ZNF521: variants seen among roughly 807,000 people sequenced by gnomAD.
ZNF521 encodes the protein LYST-interacting protein 3.
In ZNF521, 14 loss-of-function variants were observed where a neutral mutation model predicts 105.5. The observed-to-expected ratio is 0.13, with a 90% confidence interval of 0.09 to 0.21. ZNF521 has a LOEUF of 0.21. ZNF521 is among the 10% of genes least tolerant of loss of function. The pLI is 1.00. For synonymous variants in ZNF521, 635 were observed against 606.0 expected (o/e 1.05, Z -0.70); for missense variants, 1,233 against 1,629.7 (o/e 0.76, Z 4.19).
chr18:25,258,805 G>T (rs530519012), intron 3 of ZNF521, among the ~76,000 whole-genome samples: 1 of 142,086 alleles, frequency 7.0e-6, no homozygotes, highest in African/African-American at 2.6e-5. Flanking sequence ...ACTTATATGG[G>T]TTTCCTATGG....
chr18:25,180,468 A>T (rs1348967324), intron 5 of ZNF521, among the ~76,000 whole-genome samples: 1 of 152,130 alleles, frequency 6.6e-6, no homozygotes, highest in Non-Finnish European at 1.5e-5. Context: ...TTAAAACATG[A>T]AAATACAATT....
intron 5 of ZNF521, among the ~76,000 whole-genome samples, chr18:25,126,258 C>T (rs1381163309): frequency 6.6e-6 from 1 of 152,068 alleles, no homozygotes; most frequent in Non-Finnish European, 1.5e-5. Context: ...ATCCTTCTTT[C>T]CTTCTCCAGC....
rs1404979612 is a variant in ZNF521 at position 25,062,621 on chromosome 18, A to G, written c.*91T>C. The G allele has an allele frequency of 7.0e-7, 1 of 1,437,072 alleles. No homozygotes were observed. The highest frequency in any genetic ancestry group is 9.6e-7 in the Non-Finnish European group (1 of 1,043,744). 89.0% of individuals were successfully genotyped at this position (1,437,072 alleles called of 1,614,324 possible). A position where few individuals can be genotyped will look rare whatever the true frequency, so the allele number is the denominator to read the frequency against. On this transcript the variant is annotated 3_prime_UTR_variant, in exon 8 of 8. Coordinates refer to ENST00000361524, the MANE Select transcript of ZNF521 (RefSeq NM_015461.3). ...GTACAATACAATGTTTCTGAATAAT[A>G]TACATTAACAATGAAAGTTTCGTGC... is the stretch of plus-strand genomic sequence containing the variant.
At chr18:25,299,054 A>G (rs143213285) in intron 3 of ZNF521, among the ~76,000 whole-genome samples, 1 of 152,210 alleles carries the variant, frequency 6.6e-6, no homozygotes, top group Non-Finnish European at 1.5e-5. Flanking sequence ...AATCCAGCAA[A>G]GAAAAACAAT....
rs138918341 is a variant in ZNF521, at chr18:25,166,357, T to C, written c.3658+28803A>G. Among the ~76,000 whole-genome samples the C allele has an allele frequency of 1.7e-4, 26 of 152,334 alleles. No homozygotes were observed. The East Asian group carries it at 3.7e-3, about 21-fold the overall frequency. ...AAATTCCAAAGTAGCTGAGTAAATT[T>C]GAAATTCACTAGATAAATAGAATTT... is the stretch of plus-strand genomic sequence containing the variant. On this transcript the variant is annotated intron_variant, in intron 5 of 7. Transcript: ENST00000361524.
chr18:25,078,302 G>A (rs189071865), intron 7 of ZNF521, among the ~76,000 whole-genome samples: 4 of 152,320 alleles, frequency 2.6e-5, no homozygotes, highest in Non-Finnish European at 4.4e-5. Flanking sequence ...CAGAATTTCA[G>A]GATTTATCTT....
chr18:25,183,185 A>G (rs1392149338), intron 5 of ZNF521, among the ~76,000 whole-genome samples: 1 of 152,134 alleles, frequency 6.6e-6, no homozygotes, highest in African/African-American at 2.4e-5. Flanking sequence ...TCCTAATTTG[A>G]TTTGATAATA....
chr18:25,165,545 G>C (rs1026914572), intron 5 of ZNF521, among the ~76,000 whole-genome samples: 1 of 152,214 alleles, frequency 6.6e-6, no homozygotes, highest in African/African-American at 2.4e-5. Flanking sequence ...GCACATGCAT[G>C]ACTTTTGATG....
At chr18:25,275,980 G>A (rs45584234) in intron 3 of ZNF521, among the ~76,000 whole-genome samples, 35,158 of 152,042 alleles carry the variant, frequency 0.23, 4,299 homozygotes, top group East Asian at 0.38. Flanking sequence ...TTTGGCAATC[G>A]GCCACCGGCA....
chr18:25,350,010 G>A (rs1394570797), intron 2 of ZNF521, among the ~76,000 whole-genome samples: 1 of 151,664 alleles, frequency 6.6e-6, no homozygotes, highest in Non-Finnish European at 1.5e-5. Context: ...TCCTCGGAAG[G>A]AGGCTCGCGA....
intron 7 of ZNF521, among the ~76,000 whole-genome samples, chr18:25,083,206 G>C (rs1251313684): frequency 6.6e-6 from 1 of 152,102 alleles, no homozygotes; most frequent in Non-Finnish European, 1.5e-5. Flanking sequence ...TTTGTAGTTA[G>C]AGGTTAAAAA....
At chr18:25,279,254 C>G (rs1425110848) in intron 3 of ZNF521, among the ~76,000 whole-genome samples, 9 of 152,170 alleles carry the variant, frequency 5.9e-5, no homozygotes. Context: ...GACACTCAGA[C>G]AACTTATAAA....
At position 25,229,556 on chromosome 18, in the gene ZNF521, A is replaced by G. The variant is rs1906403470; in HGVS notation, c.221-1859T>C. On this transcript the variant is annotated intron_variant, in intron 3 of 7. Coordinates refer to ENST00000361524, the MANE Select transcript of ZNF521 (RefSeq NM_015461.3). ...AACATACAAAAAAAAAAATTTAACT[A>G]AAAGCAAAAAAACTCAATAATGATC... Among the ~76,000 whole-genome samples the G allele has an allele frequency of 5.9e-5, 9 of 152,198 alleles. 1 individual carries two copies. The highest frequency in any genetic ancestry group is 5.9e-4 in the Admixed American group (9 of 15,274).
chr18:25,230,003 C>T (rs1264652496), intron 3 of ZNF521, among the ~76,000 whole-genome samples: 3 of 152,178 alleles, frequency 2.0e-5, no homozygotes, highest in Non-Finnish European at 2.9e-5. Context: ...AATTCAGGTT[C>T]TTGTCTGTGG....
At chr18:25,146,407 G>A (rs1482118766) in intron 5 of ZNF521, among the ~76,000 whole-genome samples, 1 of 152,092 alleles carries the variant, frequency 6.6e-6, no homozygotes, top group African/African-American at 2.4e-5. Flanking sequence ...CCTTCCAGGT[G>A]TCCTTTGGGG....
At chr18:25,189,959 G>C (rs1021666472) in intron 5 of ZNF521, among the ~76,000 whole-genome samples, 4 of 152,126 alleles carry the variant, frequency 2.6e-5, no homozygotes, top group Admixed American at 6.5e-5. Context: ...CATTACCTAC[G>C]TTAATATCAT....
chr18:25,210,088 A>G (rs1039661012), intron 4 of ZNF521, among the ~76,000 whole-genome samples: 6 of 152,182 alleles, frequency 3.9e-5, no homozygotes, highest in Admixed American at 6.5e-5. Context: ...CATAATACAT[A>G]CATAATAGGG....
intron 5 of ZNF521, among the ~76,000 whole-genome samples, chr18:25,110,484 A>G (rs1184170530): frequency 1.3e-5 from 2 of 152,080 alleles, no homozygotes; most frequent in Non-Finnish European, 2.9e-5. Flanking sequence ...AGAGGGAGGG[A>G]AGAGACAGCT....
chr18:25,210,919 T>G (rs895668608), intron 4 of ZNF521, among the ~76,000 whole-genome samples: 2 of 152,248 alleles, frequency 1.3e-5, no homozygotes, highest in Non-Finnish European at 2.9e-5. Context: ...CATATTTGTA[T>G]AAAGCTTCTC....
Sources: allele counts gnomAD v4.1 joint callset (sites outside exome capture counted in the v4.1 genomes callset), GRCh38; gene constraint gnomAD v4.1.1; transcripts MANE v1.5; gene names NCBI Gene and HGNC (gene_info 2026-07-23, HGNC 2026-07-21).